Variants in TAX1BP1 observed in about 807,000 individuals in gnomAD.
The protein encoded by TAX1BP1 is tax1-binding protein 1.
Under a neutral mutation model 97.7 loss-of-function variants are expected in TAX1BP1, and 62 were observed. The ratio of observed to expected loss-of-function variants is 0.63; its 90% CI spans 0.52 to 0.78. The LOEUF is 0.78. Ranked by LOEUF, TAX1BP1 falls within the 30% of genes least tolerant of loss-of-function variation. The pLI, the probability that TAX1BP1 is intolerant of heterozygous loss-of-function variation, is 0.00. For synonymous variants in TAX1BP1, 340 were observed against 304.2 expected, an observed-to-expected ratio of 1.12 and a Z score of -1.23; for missense variants, 867 against 916.1, an observed-to-expected ratio of 0.95 and a Z score of 0.69.
At position 27,792,113 on chromosome 7, in the gene TAX1BP1, C is replaced by T. The variant is rs762624755; in HGVS notation, c.1146C>T (p.Asn382=). Residue 382 remains asparagine, a synonymous_variant, in exon 9 of 17, where the codon AAC becomes AAT. Coordinates refer to ENST00000396319, the MANE Select transcript of TAX1BP1 (RefSeq NM_006024.7). The part of the protein sequence containing the change: ...FLAKELSDAV[N]VRDRTMADLH... ...CTAAAGAACTCAGTGATGCTGTCAACGTACGAGACAGAACGATGGCAGACC... is the reference window on the plus strand; with the variant it reads ...CTAAAGAACTCAGTGATGCTGTCAATGTACGAGACAGAACGATGGCAGACC... The T allele has an allele frequency of 8.1e-6, 13 of 1,614,028 alleles. No homozygotes were observed. Among genetic ancestry groups the T allele is most frequent in the Non-Finnish European group, 1.1e-5 (13 of 1,180,016 alleles).
intron 13 of TAX1BP1, among the ~76,000 whole-genome samples, chr7:27,814,429 C>A (rs1023749176): frequency 6.6e-6 from 1 of 151,990 alleles, no homozygotes; most frequent in Non-Finnish European, 1.5e-5. Context: ...ATTTTCTAGG[C>A]ATTGTATTGT....
At chr7:27,771,637 A>AG (rs773537849) in intron 5 of TAX1BP1, among the ~76,000 whole-genome samples, 9 of 152,022 alleles carry the variant, frequency 5.9e-5, no homozygotes, top group Non-Finnish European at 1.0e-4. Flanking sequence ...GGATTAATGA[A>AG]GCAAAACTTG....
intron 13 of TAX1BP1, among the ~76,000 whole-genome samples, chr7:27,808,985 A>G (rs1189884345): frequency 6.6e-6 from 1 of 152,238 alleles, no homozygotes; most frequent in Non-Finnish European, 1.5e-5. Flanking sequence ...AAATGATTTA[A>G]AATGAATAGA....
intron 5 of TAX1BP1, among the ~76,000 whole-genome samples, chr7:27,777,575 G>T (rs1043881280): frequency 6.6e-6 from 1 of 152,008 alleles, no homozygotes; most frequent in African/African-American, 2.4e-5. Flanking sequence ...TTCCTCACAC[G>T]CATATGCTGA....
At chr7:27,793,024 T>C (rs1789779841) in intron 9 of TAX1BP1, 42 bp from the exon 10 acceptor site, 1 of 1,534,252 alleles carries the variant, frequency 6.5e-7, no homozygotes, top group Non-Finnish European at 8.8e-7. Context: ...TTAGGAGGTA[T>C]CAGATTTTTA....
At chr7:27,760,756 G>A (rs1228468214) in intron 3 of TAX1BP1, among the ~76,000 whole-genome samples, 1 of 152,172 alleles carries the variant, frequency 6.6e-6, no homozygotes, top group Non-Finnish European at 1.5e-5. Flanking sequence ...GTCGCTAAGA[G>A]AGAGCATCAG....
chr7:27,785,127 T>A, intron 5 of TAX1BP1, 36 bp from the exon 6 acceptor site: 1 of 1,568,930 alleles, frequency 6.4e-7, no homozygotes, highest in Non-Finnish European at 8.6e-7. Flanking sequence ...ATTATGTTTC[T>A]GTGTTTTCTC....
At chr7:27,811,426 T>C (rs896941440) in intron 13 of TAX1BP1, among the ~76,000 whole-genome samples, 1 of 152,222 alleles carries the variant, frequency 6.6e-6, no homozygotes, top group Non-Finnish European at 1.5e-5. Flanking sequence ...ATTTTAAGGT[T>C]ACTTAGTCCA....
intron 2 of TAX1BP1, among the ~76,000 whole-genome samples, chr7:27,757,461 G>T (rs1173296516): frequency 6.6e-6 from 1 of 152,012 alleles, no homozygotes; most frequent in Non-Finnish European, 1.5e-5. Flanking sequence ...TTTAGGGGGA[G>T]GCAGATGTCT....
chr7:27,754,498 A>G (rs972694628), intron 2 of TAX1BP1, among the ~76,000 whole-genome samples: 3 of 151,522 alleles, frequency 2.0e-5, no homozygotes, highest in Non-Finnish European at 4.4e-5. Flanking sequence ...AATGGTTAGC[A>G]CTGTTAATGT....
intron 8 of TAX1BP1, among the ~76,000 whole-genome samples, chr7:27,790,603 G>A (rs1430090573): frequency 6.6e-6 from 1 of 151,694 alleles, no homozygotes; most frequent in Non-Finnish European, 1.5e-5. Context: ...GACATTTTAG[G>A]TTCTTAATGA....
intron 11 of TAX1BP1, among the ~76,000 whole-genome samples, chr7:27,795,088 G>A (rs913342220): frequency 3.3e-5 from 5 of 152,106 alleles, no homozygotes; most frequent in South Asian, 2.1e-4. Flanking sequence ...CAGTAATGAC[G>A]TTAAATACTA....
chr7:27,753,176 G>A (rs932367263), intron 2 of TAX1BP1, among the ~76,000 whole-genome samples: 1 of 152,252 alleles, frequency 6.6e-6, no homozygotes, highest in Admixed American at 6.5e-5. Flanking sequence ...GGTGCATGCT[G>A]GTAGTCCCAG....
chr7:27,774,641 T>C (rs1334270552), intron 5 of TAX1BP1, among the ~76,000 whole-genome samples: 1 of 151,968 alleles, frequency 6.6e-6, no homozygotes, highest in Non-Finnish European at 1.5e-5. Flanking sequence ...TAAAAAAACA[T>C]ATATTTAAAA....
chr7:27,743,308 GTCTT>G (rs1787688574), intron 1 of TAX1BP1, among the ~76,000 whole-genome samples: 1 of 152,178 alleles, frequency 6.6e-6, no homozygotes, highest in African/African-American at 2.4e-5. Flanking sequence ...AGAGTTGTTA[GTCTT>G]TCTTTTTTTG....
chr7:27,792,171 A>C lies in TAX1BP1; in HGVS notation c.1204A>C (p.Lys402Gln). The C allele has an allele frequency of 6.2e-7, 1 of 1,613,872 alleles. No individual in the cohort carries two copies. Among genetic ancestry groups the C allele is most frequent in the East Asian group, 2.2e-5 (1 of 44,874 alleles). The change falls in exon 9 of 17, where the codon AAA becomes CAA. Residue 402 changes from lysine (K) to glutamine (Q), a missense_variant. By Grantham distance (53) the Lys-to-Gln change is moderately conservative (BLOSUM62 1). This residue lies in a region of TAX1BP1 where 822 missense variants were observed against 851.4 expected (regional missense o/e 0.97). Transcript: ENST00000396319. ...TGCACGCTTGGAAAACGAGAAAGTG[A>C]AAAAGCAGTTAGCTGATGCAGTGGC... Reference protein sequence around the residue: ...HTARLENEKVKKQLADAVAEL... With the variant: ...HTARLENEKVQKQLADAVAEL...
chr7:27,816,971 T>C lies in TAX1BP1; in HGVS notation c.2018T>C (p.Val673Ala). 2 of 1,614,146 alleles carry C rather than the reference T, an allele frequency of 1.2e-6. No individual in the cohort carries two copies. The highest frequency in any genetic ancestry group is 1.7e-6 in the Non-Finnish European group (2 of 1,179,994). ...CCCTCTTGGGGACTGGAAGACAATG[T>C]TGTCTGCAGCCAGCCTGCTCGAAAC... is the stretch of plus-strand genomic sequence containing the variant. ...RVPSWGLEDNVVCSQPARNFS... is the reference protein window; with the variant it reads ...RVPSWGLEDNAVCSQPARNFS... Residue 673 changes from valine to alanine, a missense_variant, in exon 15 of 17, where the codon GTT (valine) becomes GCT (alanine). This residue lies in a region of TAX1BP1 where 822 missense variants were observed against 851.4 expected (regional missense o/e 0.97). Coordinates refer to ENST00000396319, the MANE Select transcript of TAX1BP1 (RefSeq NM_006024.7).
At position 27,785,099 on chromosome 7, in the gene TAX1BP1, T is replaced by A. The variant is rs770614989; in HGVS notation, c.613-64T>A. On this transcript the variant is annotated intron_variant, in intron 5 of 16. Transcript: ENST00000396319. ...AGAATACATAGTTTTCTTAAAGATATGCAAATTTGCTTTACTGATTATGTT... is the reference window on the plus strand; with the variant it reads ...AGAATACATAGTTTTCTTAAAGATAAGCAAATTTGCTTTACTGATTATGTT... The A allele has an allele frequency of 3.3e-6, 5 of 1,493,658 alleles. No individual in the cohort carries two copies. In the African/African-American group the frequency reaches 5.6e-5, roughly 17 times the overall value. The allele number at this position is 1,493,658 out of a possible 1,614,324, so 92.5% of individuals were successfully genotyped here. A position where few individuals can be genotyped will look rare whatever the true frequency, so the allele number is the denominator to read the frequency against.
rs570924643 is a variant in TAX1BP1 at position 27,746,701 on chromosome 7, G to T, written c.-7-1817G>T. ...CTTTATTAGTGCAGAGGTAAAGGGG[G>T]ATTGCTACTGAATATACTCTTTATC... On this transcript the variant is annotated intron_variant, in intron 1 of 16. Coordinates refer to ENST00000396319, the MANE Select transcript of TAX1BP1 (RefSeq NM_006024.7). Among the ~76,000 whole-genome samples, 8 of 138,328 alleles carry T rather than the reference G, an allele frequency of 5.8e-5. No homozygotes were observed. The South Asian group carries it at 2.1e-3, about 37-fold the overall frequency. 90.7% of individuals were successfully genotyped at this position (138,328 alleles called of 152,430 possible).
Sources: gnomAD v4.1 joint callset for allele counts (sites outside exome capture counted in the v4.1 genomes callset) on GRCh38, gnomAD v4.1.1 for gene constraint, gnomAD v4.1.1 regional missense constraint, MANE v1.5 for transcripts, NCBI Gene and HGNC (gene_info 2026-07-23, HGNC 2026-07-21) for gene names.